The following REPS1 variants were observed in gnomAD, a reference collection of about 807,000 sequenced individuals.
The protein encoded by REPS1 is ralBP1-associated Eps domain-containing protein 1.
REPS1 carries 39 observed loss-of-function variants against 100.9 expected under a neutral mutation model. That is an observed-to-expected ratio of 0.39 (90% confidence interval 0.30 to 0.50). The LOEUF (loss-of-function observed/expected upper bound fraction) is 0.50, where lower values mean the gene tolerates loss of function less well. REPS1 is among the 20% of genes least tolerant of loss of function. The probability of loss-of-function intolerance (pLI) is 0.86; values close to 1 mark genes in which losing one functional copy is unlikely to be tolerated. For missense variants in REPS1, 821 were observed against 968.5 expected (o/e 0.85, Z 2.02); for synonymous variants, 324 against 340.3 (o/e 0.95, Z 0.53).
At chr6:138,972,095 ATGAACAAAAATC>A in intron 1 of REPS1, among the ~76,000 whole-genome samples, 1 of 152,356 alleles carries the variant, frequency 6.6e-6, no homozygotes. Context: ...AACAGCATAA[ATGAACAAAAATC>A]AATACAGTAC....
At chr6:138,952,834 GTT>G (rs532512918) in intron 1 of REPS1, among the ~76,000 whole-genome samples, 5 of 141,180 alleles carry the variant, frequency 3.5e-5, no homozygotes, top group Non-Finnish European at 3.1e-5. Flanking sequence ...TTTTGTTTTT[GTT>G]TTTTTTTTTT....
chr6:138,946,796 T>C (rs1782640604), intron 2 of REPS1, among the ~76,000 whole-genome samples: 1 of 152,222 alleles, frequency 6.6e-6, no homozygotes, highest in South Asian at 2.1e-4. Context: ...GTGCCTTTCT[T>C]TATAGAATTT....
In REPS1 at chr6:138,935,863, G is replaced by A. The variant is rs1482459022; in HGVS notation, c.1135+5472C>T. On this transcript the variant is annotated intron_variant, in intron 8 of 19. Coordinates refer to ENST00000450536, the MANE Select transcript of REPS1 (RefSeq NM_001286611.2). ...AGCAAGACTCCATCTTGGCGGGGGG[G>A]GGGGGCGCGGGGGAGTGGTGGCCAG... 6.9e-5 allele frequency among the ~76,000 whole-genome samples: 8 copies of A among 116,768 alleles called. 2 individuals are homozygous for A. In the East Asian group the frequency reaches 2.2e-3, roughly 33 times the overall value. 76.6% of individuals were successfully genotyped at this position (116,768 alleles called of 152,430 possible). A position where few individuals can be genotyped will look rare whatever the true frequency, so the allele number is the denominator to read the frequency against.
chr6:138,967,974 C>G (rs1366283216), intron 1 of REPS1, among the ~76,000 whole-genome samples: 1 of 152,126 alleles, frequency 6.6e-6, no homozygotes, highest in African/African-American at 2.4e-5. Flanking sequence ...AGTACAGATG[C>G]TCCTTAACTT....
chr6:138,948,440 C>T (rs1261104741), intron 1 of REPS1, among the ~76,000 whole-genome samples: 1 of 152,140 alleles, frequency 6.6e-6, no homozygotes, highest in Non-Finnish European at 1.5e-5. Context: ...CGGGTTTTCC[C>T]TCTTATTTTC....
intron 14 of REPS1, 176 bp from the exon 15 acceptor site, chr6:138,914,937 A>T (rs1434863387): frequency 3.4e-6 from 2 of 580,074 alleles, no homozygotes; most frequent in African/African-American, 3.9e-5. Flanking sequence ...ACCAAATCTC[A>T]CAGCCTTTCA....
intron 13 of REPS1, among the ~76,000 whole-genome samples, chr6:138,916,933 C>G (rs1216800471): frequency 2.0e-5 from 3 of 152,206 alleles, no homozygotes; most frequent in African/African-American, 7.2e-5. Context: ...GAAAGGAAGA[C>G]AAGCAGCCTT....
chr6:138,939,224 C>T (rs1397179875), intron 8 of REPS1, among the ~76,000 whole-genome samples: 2 of 152,016 alleles, frequency 1.3e-5, no homozygotes, highest in African/African-American at 4.8e-5. Flanking sequence ...AATATAATAC[C>T]GTGTGATCCA....
intron 8 of REPS1, among the ~76,000 whole-genome samples, chr6:138,932,027 C>T (rs1781512093): frequency 6.6e-6 from 1 of 152,114 alleles, no homozygotes; most frequent in Non-Finnish European, 1.5e-5. Context: ...AATCTTAGGG[C>T]AATCTGCAAG....
Position 138,920,215 on chromosome 6 carries a change from C to T in REPS1, c.1528G>A (p.Ala510Thr), listed in dbSNP as rs1780661060. 1 of 1,465,050 alleles carries T rather than the reference C, an allele frequency of 6.8e-7. No individual in the cohort carries two copies. Among genetic ancestry groups the T allele is most frequent in the Non-Finnish European group, 9.6e-7 (1 of 1,044,610 alleles). 90.8% of individuals were successfully genotyped at this position (1,465,050 alleles called of 1,614,324 possible). A position where few individuals can be genotyped will look rare whatever the true frequency, so the allele number is the denominator to read the frequency against. The change falls in exon 12 of 20, where the codon GCA becomes ACA. Residue 510 changes from alanine to threonine, a missense_variant and splice_region_variant. Physicochemically the swap from Ala to Thr is moderately conservative, Grantham distance 58. This residue lies in a region of REPS1 where 757 missense variants were observed against 866.4 expected (regional missense o/e 0.87). Transcript: ENST00000450536. Reference sequence around the variant, plus strand: ...ATGGAAGATGTAATACTTCACTTACCTACAGTATTACCAGAAGCGAATTTC... The same window carrying T: ...ATGGAAGATGTAATACTTCACTTACTTACAGTATTACCAGAAGCGAATTTC... ...SVKFASGNTV[A>T]DGYSSSDSFT...
At chr6:138,940,855 C>T (rs776884649) in intron 8 of REPS1, among the ~76,000 whole-genome samples, 2 of 151,748 alleles carry the variant, frequency 1.3e-5, no homozygotes, top group African/African-American at 2.4e-5. Context: ...TAAAATCATA[C>T]ACAGAAAGTC....
Position 138,987,799 on chromosome 6 carries a change from G to C in REPS1, c.-117C>G. 7.8e-7 allele frequency: 1 copy of C among 1,276,210 alleles called. No individual in the cohort carries two copies. The highest frequency in any genetic ancestry group is 1.0e-6 in the Non-Finnish European group (1 of 984,416). The allele number at this position is 1,276,210 out of a possible 1,614,324, so 79.1% of individuals were successfully genotyped here. ...GGCCTCCTGCTAGCTTCCCGAAAAC[G>C]CCGGCCCCGGCCTCACACGCGCCAG... On this transcript the variant is annotated 5_prime_UTR_variant, in exon 1 of 20. Transcript: ENST00000450536.
intron 7 of REPS1, among the ~76,000 whole-genome samples, chr6:138,942,685 G>T (rs1157559232): frequency 2.6e-5 from 4 of 151,700 alleles, no homozygotes; most frequent in African/African-American, 9.7e-5. Flanking sequence ...CAAGCAATCT[G>T]CCTGCCTTGG....
intron 8 of REPS1, among the ~76,000 whole-genome samples, chr6:138,935,495 C>G (rs1032934512): frequency 6.6e-6 from 1 of 151,886 alleles, no homozygotes; most frequent in East Asian, 1.9e-4. Flanking sequence ...AAGAGGAAAA[C>G]AGTTAATTGG....
intron 8 of REPS1, among the ~76,000 whole-genome samples, chr6:138,930,329 A>C (rs1445140254): frequency 1.3e-5 from 2 of 152,328 alleles, no homozygotes; most frequent in South Asian, 2.1e-4. Flanking sequence ...TCTAGTTAGG[A>C]ATAAAAAGAA....
chr6:138,955,163 T>C (rs942062375), intron 1 of REPS1, among the ~76,000 whole-genome samples: 3 of 152,100 alleles, frequency 2.0e-5, no homozygotes, highest in African/African-American at 4.8e-5. Flanking sequence ...ATATATAACA[T>C]AGTCCATCAG....
intron 17 of REPS1, chr6:138,911,032 A>G (rs1779969843): frequency 1.1e-5 from 4 of 366,266 alleles, no homozygotes; most frequent in Non-Finnish European, 2.0e-5. Flanking sequence ...AAGAAGTTCT[A>G]CCTTATATAG....
intron 13 of REPS1, among the ~76,000 whole-genome samples, chr6:138,916,775 C>T (rs987694737): frequency 6.6e-6 from 1 of 152,174 alleles, no homozygotes; most frequent in Non-Finnish European, 1.5e-5. Flanking sequence ...TAGAGATTCA[C>T]TTCTTTGCTA....
rs538859986 is a variant in REPS1 at position 138,960,331 on chromosome 6, T to C, written c.154-12418A>G. On this transcript the variant is annotated intron_variant, in intron 1 of 19. Coordinates refer to ENST00000450536, the MANE Select transcript of REPS1 (RefSeq NM_001286611.2). ...CCCTTATACATGCTTTAAAAAACTA[T>C]TGAGGACCCCTTTCCCTAAGTTTTT... Among the ~76,000 whole-genome samples, 37 of 152,290 alleles carry C rather than the reference T, an allele frequency of 2.4e-4. No homozygotes were observed. The South Asian group carries it at 6.2e-3, about 26-fold the overall frequency.
Sources: gnomAD v4.1 joint callset for allele counts (sites outside exome capture counted in the v4.1 genomes callset) on GRCh38, gnomAD v4.1.1 for gene constraint, gnomAD v4.1.1 regional missense constraint, MANE v1.5 for transcripts, NCBI Gene and HGNC (gene_info 2026-07-23, HGNC 2026-07-21) for gene names.